The following UGDH variants were observed in gnomAD, a reference collection of about 807,000 sequenced individuals.
UGDH encodes the protein UDP-glucose 6-dehydrogenase.
In UGDH, 38 loss-of-function variants were observed where a neutral mutation model predicts 50.6. The observed-to-expected ratio is 0.75, with a 90% CI of 0.58 to 0.98. The LOEUF (loss-of-function observed/expected upper bound fraction) is 0.98. Among genes scored for constraint, UGDH ranks in the 50% least tolerant of loss-of-function variants. The pLI is 0.00. For missense variants in UGDH, 465 were observed against 606.2 expected (o/e 0.77, Z 2.45); for synonymous variants, 168 against 199.9 (o/e 0.84, Z 1.35).
intron 7 of UGDH, among the ~76,000 whole-genome samples, chr4:39,506,945 C>A (rs1441926928): frequency 6.6e-6 from 1 of 152,110 alleles, no homozygotes; most frequent in African/African-American, 2.4e-5. Context: ...ATCACTTGAG[C>A]CCAAGAGTTG....
intron 2 of UGDH, among the ~76,000 whole-genome samples, chr4:39,515,858 C>T (rs541497609): frequency 1.2e-4 from 18 of 152,248 alleles, no homozygotes; most frequent in South Asian, 6.2e-4. Context: ...CACCACCATA[C>T]CTGGCTAATT....
At chr4:39,501,187 C>T (rs945747651) in intron 11 of UGDH, among the ~76,000 whole-genome samples, 8 of 151,328 alleles carry the variant, frequency 5.3e-5, no homozygotes, top group East Asian at 3.9e-4. Flanking sequence ...AAGCTGGTCT[C>T]GAACTCCTGA....
Position 39,505,318 on chromosome 4 carries a change from G to C in UGDH, c.1090C>G (p.Leu364Val), listed in dbSNP as rs543523320. 124 of 1,592,428 alleles carry C rather than the reference G, an allele frequency of 7.8e-5. 1 individual carries two copies. The South Asian group carries it at 1.3e-3, about 17-fold the overall frequency. Residue 364 changes from leucine to valine, a missense_variant, in exon 9 of 12, where the codon CTA becomes GTA. Transcript: ENST00000316423. ...GGTACTTTTGGATCATATATATGTA[G>C]ATGTGCACCTTCATCCATCAAATAT... ...SKYLMDEGAHLHIYDPKVPRE... is the reference protein window; with the variant it reads ...SKYLMDEGAHVHIYDPKVPRE...
chr4:39,511,710 CT>C lies in UGDH; in HGVS notation c.265-850del, dbSNP rs59465226. On this transcript the variant is annotated intron_variant, in intron 3 of 11. Coordinates refer to ENST00000316423, the MANE Select transcript of UGDH (RefSeq NM_003359.4). ...AGAATACTATGTGGACAAAGACTTGCTTTTTTTTTTTTTTTTTAAGATGGAG... is the reference window on the plus strand; with the variant it reads ...AGAATACTATGTGGACAAAGACTTGCTTTTTTTTTTTTTTTTAAGATGGAG... Among the ~76,000 whole-genome samples, 867 of 134,602 alleles carry C rather than the reference CT, an allele frequency of 6.4e-3. 1 individual carries two copies. Among genetic ancestry groups the C allele is most frequent in the African/African-American group, 8.4e-3 (306 of 36,626 alleles). The allele number at this position is 134,602 out of a possible 152,430, so 88.3% of individuals were successfully genotyped here.
rs1367734172 is a variant in UGDH at position 39,510,452 on chromosome 4, G to C, written c.564C>G (p.Gly188=). The C allele has an allele frequency of 6.2e-7, 1 of 1,614,152 alleles. No homozygotes were observed. The highest frequency in any genetic ancestry group is 1.7e-5 in the Admixed American group (1 of 60,010). Residue 188 remains glycine (G), a synonymous_variant, in exon 5 of 12, where the codon GGC becomes GGG. Coordinates refer to ENST00000316423, the MANE Select transcript of UGDH (RefSeq NM_003359.4). ...VLIGGDETPE[G]QRAVQALCAV... Reference sequence around the variant, plus strand: ...CACACAGGGCCTGCACAGCTCTCTGGCCCTCTGGAGTTTCATCCCCTCCAA... The same window carrying C: ...CACACAGGGCCTGCACAGCTCTCTGCCCCTCTGGAGTTTCATCCCCTCCAA...
Position 39,504,318 on chromosome 4 carries a change from A to C in UGDH, c.1263+99T>G, listed in dbSNP as rs181136537. On this transcript the variant is annotated intron_variant, in intron 10 of 11. Coordinates refer to ENST00000316423, the MANE Select transcript of UGDH (RefSeq NM_003359.4). ...GCGAGACTCCATCTCAAAAAAAAAA[A>C]CAAAAAAACAAAAAAACACATACAT... The C allele has an allele frequency of 6.8e-3, 7,695 of 1,128,138 alleles. 39 individuals carry two copies. Among genetic ancestry groups the C allele is most frequent in the Non-Finnish European group, 8.7e-3 (6,780 of 778,044 alleles). 69.9% of individuals were successfully genotyped at this position (1,128,138 alleles called of 1,614,324 possible).
At chr4:39,512,846 A>C (rs1746294861) in intron 3 of UGDH, among the ~76,000 whole-genome samples, 1 of 145,138 alleles carries the variant, frequency 6.9e-6, no homozygotes, top group Non-Finnish European at 1.5e-5. Context: ...TTTTTGAGAC[A>C]GGGTCTCCTT....
intron 7 of UGDH, among the ~76,000 whole-genome samples, chr4:39,506,265 C>A (rs1323721595): frequency 4.3e-5 from 6 of 140,344 alleles, no homozygotes; most frequent in Admixed American, 1.4e-4. Flanking sequence ...CTAAAAATTT[C>A]TAATTTCATT....
chr4:39,511,703 A>C (rs1031705599), intron 3 of UGDH, among the ~76,000 whole-genome samples: 1 of 151,578 alleles, frequency 6.6e-6, no homozygotes, highest in Non-Finnish European at 1.5e-5. Context: ...ATGTGGACAA[A>C]GACTTGCTTT....
At chr4:39,524,693 G>A (rs1746806534) in intron 1 of UGDH, among the ~76,000 whole-genome samples, 1 of 152,044 alleles carries the variant, frequency 6.6e-6, no homozygotes, top group Admixed American at 6.6e-5. Context: ...ATTTTTTCTA[G>A]AGACAGGTTT....
At chr4:39,503,813 T>C (rs1745918890) in intron 11 of UGDH, 62 bp downstream of exon 11, 1 of 1,431,172 alleles carries the variant, frequency 7.0e-7, no homozygotes, top group African/African-American at 1.4e-5. Flanking sequence ...TAGTCCCCAG[T>C]TGTTGAATCA....
At position 39,517,429 on chromosome 4, in the gene UGDH, C is replaced by T. The variant is rs933826084; in HGVS notation, c.163-3245G>A. ...TTCACCATGTTGGCCAGGATGGTCTCGAACTTCTGACCTCAGGTGATCCAC... is the reference window on the plus strand; with the variant it reads ...TTCACCATGTTGGCCAGGATGGTCTTGAACTTCTGACCTCAGGTGATCCAC... On this transcript the variant is annotated intron_variant, in intron 2 of 11. Transcript: ENST00000316423. Among the ~76,000 whole-genome samples the T allele has an allele frequency of 8.5e-5, 13 of 152,120 alleles. No homozygotes were observed. In the East Asian group the frequency reaches 1.9e-3, roughly 23 times the overall value.
intron 2 of UGDH, among the ~76,000 whole-genome samples, chr4:39,519,868 T>C (rs1746579731): frequency 6.6e-6 from 1 of 152,166 alleles, no homozygotes; most frequent in South Asian, 2.1e-4. Context: ...GATTCAGATA[T>C]AATAAGTAAA....
chr4:39,500,276 G>T, intron 11 of UGDH, 23 bp from the exon 12 acceptor site: 1 of 1,434,074 alleles, frequency 7.0e-7, no homozygotes, highest in Non-Finnish European at 9.7e-7. Flanking sequence ...TAAAATTTAA[G>T]AGAACTATTA....
chr4:39,507,970 G>C (rs1158782202), intron 7 of UGDH, among the ~76,000 whole-genome samples: 1 of 148,140 alleles, frequency 6.8e-6, no homozygotes, highest in Non-Finnish European at 1.5e-5. Context: ...AAAGAGAGAA[G>C]AGTTATAATT....
At chr4:39,518,619 TAAAAAAA>T (rs71645106) in intron 2 of UGDH, among the ~76,000 whole-genome samples, 3 of 136,872 alleles carry the variant, frequency 2.2e-5, no homozygotes, top group Non-Finnish European at 3.2e-5. Flanking sequence ...GGTTGGCCTT[TAAAAAAA>T]AAAAAAAAAA....
rs758495353 is a variant in UGDH at position 39,500,216 on chromosome 4, ATTCTC to A, written c.1407_1411del (p.Lys469AsnfsTer8). On this transcript the variant is annotated frameshift_variant, in exon 12 of 12. Transcript: ENST00000316423. LOFTEE classifies it high-confidence loss of function. ...AATTTCACCAGAAGGAGCATATGGA[ATTCTC>A]TTTGAAGACACCTTTTTGCCAATTG... 6.2e-7 allele frequency: 1 copy of A among 1,603,936 alleles called. No individual in the cohort carries two copies. The highest frequency in any genetic ancestry group is 1.1e-5 in the South Asian group (1 of 88,354).
intron 1 of UGDH, 158 bp downstream of exon 1, chr4:39,527,124 GC>G: frequency 3.1e-6 from 4 of 1,288,906 alleles, no homozygotes; most frequent in Non-Finnish European, 4.0e-6. Flanking sequence ...CCCGCCCTAA[GC>G]CCCAAAGAGA....
At chr4:39,508,725 A>C (rs1390761552) in intron 6 of UGDH, 65 bp from the exon 7 acceptor site, 4 of 1,372,780 alleles carry the variant, frequency 2.9e-6, no homozygotes, top group African/African-American at 3.1e-5. Flanking sequence ...CATGTGACAA[A>C]TTTCTTTATA....
Sources: gnomAD v4.1 joint callset for allele counts (sites outside exome capture counted in the v4.1 genomes callset) on GRCh38, gnomAD v4.1.1 for gene constraint, MANE v1.5 for transcripts, NCBI Gene and HGNC (gene_info 2026-07-23, HGNC 2026-07-21) for gene names.